The following MAF variants were observed in gnomAD, a reference collection of about 807,000 sequenced individuals.
MAF encodes MAF bZIP transcription factor.
In MAF, 10 loss-of-function variants were observed where a neutral mutation model predicts 22.0. The ratio of observed to expected loss-of-function variants is 0.45; its 90% confidence interval spans 0.28 to 0.77. The LOEUF (loss-of-function observed/expected upper bound fraction) is 0.77, where lower values mean the gene tolerates loss of function less well. Among genes scored for constraint, MAF ranks in the 30% least tolerant of loss-of-function variants. The pLI is 0.12. For missense variants in MAF, 544 were observed against 548.4 expected (o/e 0.99, Z 0.08); for synonymous variants, 337 against 255.8 (o/e 1.32, Z -3.03).
At chr16:79,414,746 T>C in the MAF span, among the ~76,000 whole-genome samples, 2 of 152,136 alleles carry the variant, frequency 1.3e-5, no homozygotes, top group Non-Finnish European at 2.9e-5. Flanking sequence ...AAAATGGAGT[T>C]TTGTTAATCA....
the MAF span, among the ~76,000 whole-genome samples, chr16:79,507,899 G>A: frequency 1.5e-4 from 23 of 152,096 alleles, no homozygotes; most frequent in African/African-American, 4.8e-4. Flanking sequence ...ATACCTAATT[G>A]TTATTACCTG....
the MAF span, among the ~76,000 whole-genome samples, chr16:79,432,140 T>C: frequency 1.3e-5 from 2 of 152,158 alleles, no homozygotes; most frequent in African/African-American, 2.4e-5. Context: ...CCCCATGCTG[T>C]TCCACTGATA....
the MAF span, among the ~76,000 whole-genome samples, chr16:79,309,290 T>G: frequency 6.6e-6 from 1 of 152,192 alleles, no homozygotes; most frequent in Non-Finnish European, 1.5e-5. Context: ...TGCAAGCGCC[T>G]TGTTATATAA....
the MAF span, among the ~76,000 whole-genome samples, chr16:79,302,973 C>G: frequency 2.0e-5 from 3 of 152,246 alleles, no homozygotes; most frequent in Non-Finnish European, 2.9e-5. Context: ...CCTAATGACC[C>G]ATTTTACTCG....
At chr16:79,326,574 G>A in the MAF span, among the ~76,000 whole-genome samples, 6 of 152,192 alleles carry the variant, frequency 3.9e-5, no homozygotes, top group Admixed American at 6.5e-5. Flanking sequence ...AACTAGGGCA[G>A]GGCTTGGAAA....
the MAF span, among the ~76,000 whole-genome samples, chr16:79,220,056 G>C: frequency 1.3e-5 from 2 of 152,150 alleles, no homozygotes; most frequent in East Asian, 1.9e-4. Context: ...AGGAGTTCAA[G>C]ACCAGCCTAG....
chr16:79,543,498 G>C, the MAF span, among the ~76,000 whole-genome samples: 1 of 152,138 alleles, frequency 6.6e-6, no homozygotes, highest in African/African-American at 2.4e-5. Flanking sequence ...TCAAGATGGC[G>C]GGCAGTCCCA....
chr16:79,219,207 C>T, the MAF span, among the ~76,000 whole-genome samples: 1 of 152,156 alleles, frequency 6.6e-6, no homozygotes, highest in Non-Finnish European at 1.5e-5. Flanking sequence ...CTTCTTCCGG[C>T]TTTCCTGATT....
At chr16:79,575,541 A>G in the MAF span, among the ~76,000 whole-genome samples, 1 of 152,132 alleles carries the variant, frequency 6.6e-6, no homozygotes, top group African/African-American at 2.4e-5. Context: ...ACTCTAGCCA[A>G]CCTCTGCTGA....
the MAF span, among the ~76,000 whole-genome samples, chr16:79,440,167 G>C: frequency 1.2e-4 from 19 of 152,302 alleles, no homozygotes; most frequent in Admixed American, 2.0e-4. Flanking sequence ...GCAATAGATG[G>C]TGTGTTTCTA....
At chr16:79,521,551 T>C in the MAF span, among the ~76,000 whole-genome samples, 1 of 152,150 alleles carries the variant, frequency 6.6e-6, no homozygotes, top group Non-Finnish European at 1.5e-5. Flanking sequence ...AGTTTCCCCA[T>C]CTCCCTGAAC....
At chr16:79,581,507 T>C (rs980747318), downstream of MAF, among the ~76,000 whole-genome samples, 6 of 151,486 alleles carry the variant, frequency 4.0e-5, no homozygotes, top group East Asian at 1.2e-3. Flanking sequence ...AAAGAAACTT[T>C]GTCTGTGGAA....
the MAF span, among the ~76,000 whole-genome samples, chr16:79,521,654 C>T: frequency 4.5e-4 from 69 of 152,304 alleles, 1 homozygote; most frequent in African/African-American, 1.6e-3. Context: ...CCACGCATCA[C>T]GCAGCCACAT....
chr16:79,479,594 C>T, the MAF span, among the ~76,000 whole-genome samples: 17 of 152,130 alleles, frequency 1.1e-4, no homozygotes, highest in Admixed American at 2.6e-4. Context: ...TCTCTAGAGC[C>T]GAGCCAAGCC....
chr16:79,466,316 T>A, the MAF span, among the ~76,000 whole-genome samples: 20 of 152,334 alleles, frequency 1.3e-4, no homozygotes, highest in Non-Finnish European at 2.4e-4. Flanking sequence ...GAATGAAGGA[T>A]GACTCATGGG....
the MAF span, among the ~76,000 whole-genome samples, chr16:79,548,327 T>C: frequency 2.0e-5 from 3 of 152,208 alleles, no homozygotes; most frequent in Non-Finnish European, 4.4e-5. Flanking sequence ...AAGCTTTAGG[T>C]AGTCATTTAT....
At chr16:79,597,405 C>G (rs1303406064) in intron 1 of MAF, 1 of 1,031,480 alleles carries the variant, frequency 9.7e-7, no homozygotes, top group South Asian at 4.6e-5. Context: ...GGGGCAGTTT[C>G]TCTTTTTAAA....
chr16:79,594,797 G>C lies in MAF; in HGVS notation c.1119-244C>G. The stretch of plus-strand genomic sequence containing the variant: ...TTATTTCTAAAAATGCCTTTTACTA[G>C]GAGTTAACCTTCTCTTACAGCCAGC... On this transcript the variant is annotated intron_variant, in intron 1 of 1. Transcript: ENST00000326043. 6.9e-6 allele frequency: 9 copies of C among 1,295,458 alleles called. 1 individual carries two copies. In the South Asian group the frequency reaches 1.2e-4, roughly 18 times the overall value. The allele number at this position is 1,295,458 out of a possible 1,614,324, so 80.2% of individuals were successfully genotyped here. A position where few individuals can be genotyped will look rare whatever the true frequency, so the allele number is the denominator to read the frequency against.
chr16:79,452,667 A>C, the MAF span, among the ~76,000 whole-genome samples: 2 of 152,232 alleles, frequency 1.3e-5, no homozygotes, highest in African/African-American at 4.8e-5. Flanking sequence ...GGGCACCTAG[A>C]TTCCATTTCT....
Sources: gnomAD v4.1 joint callset for allele counts (sites outside exome capture counted in the v4.1 genomes callset) on GRCh38, gnomAD v4.1.1 for gene constraint, MANE v1.5 for transcripts, NCBI Gene and HGNC (gene_info 2026-07-23, HGNC 2026-07-21) for gene names.